SLC25A21: variants seen among roughly 807,000 people sequenced by gnomAD.
The protein encoded by SLC25A21 is solute carrier family 25 member 21.
A neutral mutation model predicts 43.8 loss-of-function variants in SLC25A21; 47 were observed. The ratio of observed to expected loss-of-function variants is 1.07; its 90% CI spans 0.85 to 1.37. The LOEUF (loss-of-function observed/expected upper bound fraction) is 1.37, where lower values mean the gene tolerates loss of function less well. Ranked by LOEUF, SLC25A21 falls within the 40% of genes most tolerant of loss-of-function variation. SLC25A21 has a pLI of 0.00. For synonymous variants in SLC25A21, 131 were observed against 121.3 expected, an observed-to-expected ratio of 1.08 and a Z score of -0.52; for missense variants, 352 against 350.2, an observed-to-expected ratio of 1.00 and a Z score of -0.04.
chr14:36,951,178 A>T (rs1372552516), intron 1 of SLC25A21, among the ~76,000 whole-genome samples: 2 of 151,966 alleles, frequency 1.3e-5, no homozygotes, highest in Non-Finnish European at 2.9e-5. Context: ...CTACTTCTTT[A>T]AAAATACACA....
intron 7 of SLC25A21, among the ~76,000 whole-genome samples, chr14:36,694,073 C>T (rs1327157161): frequency 2.0e-5 from 3 of 151,996 alleles, no homozygotes; most frequent in African/African-American, 7.3e-5. Flanking sequence ...GCCCCCCAAC[C>T]CCTGACAGGC....
chr14:36,961,201 C>A (rs1055243716), intron 1 of SLC25A21, among the ~76,000 whole-genome samples: 3 of 148,790 alleles, frequency 2.0e-5, no homozygotes, highest in Admixed American at 1.3e-4. Flanking sequence ...GCCTTCCGCA[C>A]GTGTTTTCGT....
At chr14:36,904,034 G>A (rs1423996880) in intron 1 of SLC25A21, among the ~76,000 whole-genome samples, 2 of 152,112 alleles carry the variant, frequency 1.3e-5, no homozygotes, top group African/African-American at 2.4e-5. Context: ...TATTTTCCAC[G>A]AATACTGCTT....
chr14:36,788,895 G>A (rs896028460), intron 3 of SLC25A21: 1 of 151,956 alleles, frequency 6.6e-6, no homozygotes, highest in African/African-American at 2.4e-5. Flanking sequence ...CAACTGTCAG[G>A]GTTTATGGCT....
At chr14:37,170,603 T>C (rs1380881630) in intron 1 of SLC25A21, among the ~76,000 whole-genome samples, 1 of 151,884 alleles carries the variant, frequency 6.6e-6, no homozygotes, top group African/African-American at 2.4e-5. Flanking sequence ...ATCATCACAA[T>C]TGGAAAACTG....
At chr14:36,749,339 G>A (rs1382068848) in intron 3 of SLC25A21, among the ~76,000 whole-genome samples, 1 of 152,096 alleles carries the variant, frequency 6.6e-6, no homozygotes, top group African/African-American at 2.4e-5. Flanking sequence ...ACTCAGGCCA[G>A]AATCTTTGAA....
At chr14:36,831,938 A>G (rs1338781247) in intron 2 of SLC25A21, among the ~76,000 whole-genome samples, 1 of 152,238 alleles carries the variant, frequency 6.6e-6, no homozygotes, top group Non-Finnish European at 1.5e-5. Context: ...ACAGCAGAAA[A>G]GATCAGTGTA....
intron 3 of SLC25A21, among the ~76,000 whole-genome samples, chr14:36,748,153 C>T (rs961819866): frequency 6.6e-6 from 1 of 152,210 alleles, no homozygotes; most frequent in Non-Finnish European, 1.5e-5. Flanking sequence ...AGCTCTTGAA[C>T]ACCGTATGAC....
At chr14:36,818,333 T>G (rs1442944659) in intron 2 of SLC25A21, among the ~76,000 whole-genome samples, 1 of 152,226 alleles carries the variant, frequency 6.6e-6, no homozygotes, top group Non-Finnish European at 1.5e-5. Flanking sequence ...CATGAAATCC[T>G]TGAGGAGTGC....
intron 1 of SLC25A21, among the ~76,000 whole-genome samples, chr14:37,077,940 A>C (rs1638505978): frequency 6.6e-6 from 1 of 152,208 alleles, no homozygotes; most frequent in Admixed American, 6.5e-5. Context: ...AGACATTTTA[A>C]AAATTTTTTT....
intron 3 of SLC25A21, among the ~76,000 whole-genome samples, chr14:36,754,889 G>A (rs1885866697): frequency 6.6e-6 from 1 of 152,084 alleles, no homozygotes; most frequent in Admixed American, 6.6e-5. Flanking sequence ...GGTGGCAAAG[G>A]AAGAATAATT....
chr14:36,908,117 G>A (rs114178099), intron 1 of SLC25A21, among the ~76,000 whole-genome samples: 13 of 152,116 alleles, frequency 8.5e-5, no homozygotes, highest in African/African-American at 3.1e-4. Context: ...TTTTAGGGCA[G>A]TGAAAACTCT....
intron 1 of SLC25A21, among the ~76,000 whole-genome samples, chr14:37,084,692 G>A (rs529439896): frequency 7.2e-5 from 11 of 152,180 alleles, no homozygotes; most frequent in Non-Finnish European, 1.5e-4. Flanking sequence ...TCAAGAGTAA[G>A]TTCCTAATCG....
At chr14:36,979,655 C>A (rs1959973076) in intron 1 of SLC25A21, among the ~76,000 whole-genome samples, 1 of 152,146 alleles carries the variant, frequency 6.6e-6, no homozygotes, top group African/African-American at 2.4e-5. Flanking sequence ...CATGCCCAGC[C>A]AAAGGTAGTA....
At chr14:36,722,671 T>G (rs917797663) in intron 6 of SLC25A21, among the ~76,000 whole-genome samples, 7 of 152,216 alleles carry the variant, frequency 4.6e-5, no homozygotes, top group Non-Finnish European at 7.3e-5. Context: ...TTTCTTTTTA[T>G]TTTTTAAATG....
intron 1 of SLC25A21, among the ~76,000 whole-genome samples, chr14:36,983,076 T>C (rs915343603): frequency 1.3e-5 from 2 of 152,230 alleles, no homozygotes; most frequent in African/African-American, 4.8e-5. Flanking sequence ...ATTAACTATC[T>C]CTAGACATTA....
chr14:36,859,252 C>G (rs1889994344), intron 2 of SLC25A21, among the ~76,000 whole-genome samples: 1 of 152,176 alleles, frequency 6.6e-6, no homozygotes, highest in Non-Finnish European at 1.5e-5. Context: ...AAATGAGAGG[C>G]CAATCTACTA....
chr14:36,908,813 C>T (rs1434521981), intron 1 of SLC25A21, among the ~76,000 whole-genome samples: 1 of 151,908 alleles, frequency 6.6e-6, no homozygotes, highest in East Asian at 1.9e-4. Flanking sequence ...GAAGAGCTTC[C>T]AGTTATGTTA....
intron 7 of SLC25A21, among the ~76,000 whole-genome samples, chr14:36,695,971 T>A (rs1011390979): frequency 6.6e-6 from 1 of 152,214 alleles, no homozygotes; most frequent in African/African-American, 2.4e-5. Flanking sequence ...ACAGAGGGCA[T>A]CCTTGTCTTG....
Sources: allele counts gnomAD v4.1 joint callset (sites outside exome capture counted in the v4.1 genomes callset), GRCh38; gene constraint gnomAD v4.1.1; transcripts MANE v1.5; gene names NCBI Gene and HGNC (gene_info 2026-07-23, HGNC 2026-07-21).